PARPBP: variants seen among roughly 807,000 people sequenced by gnomAD.
The protein encoded by PARPBP is PARP1 binding protein.
In PARPBP, 52 loss-of-function variants were observed where a neutral mutation model predicts 50.0. That is an observed-to-expected ratio of 1.04 (90% CI 0.83 to 1.31). The LOEUF is 1.31. PARPBP is among the 50% of genes most tolerant of loss of function. The pLI, the probability that PARPBP is intolerant of heterozygous loss-of-function variation, is 0.00. For synonymous variants in PARPBP, 244 were observed against 232.1 expected (o/e 1.05, Z -0.47); for missense variants, 697 against 672.0 (o/e 1.04, Z -0.41).
chr12:102,136,675 T>C (rs768551196), intron 2 of PARPBP, among the ~76,000 whole-genome samples: 4 of 152,204 alleles, frequency 2.6e-5, no homozygotes, highest in Non-Finnish European at 5.9e-5. Context: ...TTCACAGTTC[T>C]TGTATGTGTG....
intron 2 of PARPBP, among the ~76,000 whole-genome samples, chr12:102,124,431 A>T (rs1321069036): frequency 6.6e-5 from 10 of 152,180 alleles, no homozygotes. Context: ...CTGCACCGGG[A>T]TACTGGAAAC....
chr12:102,151,240 A>G, intron 3 of PARPBP, among the ~76,000 whole-genome samples: 1 of 152,136 alleles, frequency 6.6e-6, no homozygotes, highest in East Asian at 1.9e-4. Flanking sequence ...ATCTGGCAAA[A>G]AAGAAGGCAG....
intron 3 of PARPBP, chr12:102,150,426 A>G: frequency 3.0e-6 from 1 of 338,962 alleles, no homozygotes; most frequent in Non-Finnish European, 5.8e-6. Flanking sequence ...GAATTTTCAT[A>G]ATCCTGATAA....
intron 2 of PARPBP, among the ~76,000 whole-genome samples, chr12:102,126,417 T>C (rs1279379654): frequency 6.6e-6 from 1 of 152,248 alleles, no homozygotes; most frequent in African/African-American, 2.4e-5. Flanking sequence ...ACTGTAGTTT[T>C]AGGTGTTCTG....
At chr12:102,153,398 T>C (rs1366400801) in intron 3 of PARPBP, among the ~76,000 whole-genome samples, 1 of 152,180 alleles carries the variant, frequency 6.6e-6, no homozygotes, top group Non-Finnish European at 1.5e-5. Context: ...CAGGTTGGAG[T>C]GCAGTGGTGT....
intron 2 of PARPBP, 136 bp from the exon 3 acceptor site, chr12:102,148,094 G>A (rs912527257): frequency 1.5e-5 from 7 of 456,344 alleles, no homozygotes; most frequent in African/African-American, 1.2e-4. Flanking sequence ...TTCAACTTGG[G>A]TGTTCTCTTC....
rs550997177 is a variant in PARPBP at position 102,139,271 on chromosome 12, A to G, written c.154-8959A>G. Among the ~76,000 whole-genome samples, 96 of 152,308 alleles carry G rather than the reference A, an allele frequency of 6.3e-4. 2 individuals carry two copies. In the South Asian group the frequency reaches 0.02, roughly 32 times the overall value. On this transcript the variant is annotated intron_variant, in intron 2 of 10. Transcript: ENST00000327680. The stretch of plus-strand genomic sequence containing the variant: ...AGCAATTGTGAATGAGAGTTCACTC[A>G]TGATTTGGCTCTCTGTCTGTGATTG...
chr12:102,189,302 A>G (rs1168793801), intron 9 of PARPBP, among the ~76,000 whole-genome samples: 2 of 152,206 alleles, frequency 1.3e-5, no homozygotes, highest in African/African-American at 4.8e-5. Flanking sequence ...ATCTGCAGAC[A>G]TGAATGTGCC....
rs1891362757 is a variant in PARPBP, at chr12:102,196,935, G to A, written c.*644G>A. The A allele has an allele frequency of 6.7e-7, 1 of 1,492,620 alleles. No homozygotes were observed. Among genetic ancestry groups the A allele is most frequent in the Non-Finnish European group, 9.3e-7 (1 of 1,072,622 alleles). 92.5% of individuals were successfully genotyped at this position (1,492,620 alleles called of 1,614,324 possible). A position where few individuals can be genotyped will look rare whatever the true frequency, so the allele number is the denominator to read the frequency against. On this transcript the variant is annotated 3_prime_UTR_variant, in exon 11 of 11. Coordinates refer to ENST00000327680, the MANE Select transcript of PARPBP (RefSeq NM_017915.5). ...TAACTCAGAGTTCTGTTTAATGGTG[G>A]TAGGATGTAAGAATTGAATTTTGAA...
intron 3 of PARPBP, chr12:102,148,948 C>T (rs1885817618): frequency 6.6e-6 from 1 of 152,024 alleles, no homozygotes; most frequent in African/African-American, 2.4e-5. Context: ...TCTTTTTTTG[C>T]ACAAGCATTT....
rs1034779548 is a variant in PARPBP at position 102,120,200 on chromosome 12, C to A, written c.-90C>A. 1.3e-5 allele frequency: 3 copies of A among 233,512 alleles called. No individual in the cohort carries two copies. Among genetic ancestry groups the A allele is most frequent in the African/African-American group, 4.6e-5 (2 of 43,076 alleles). The allele number at this position is 233,512 out of a possible 1,614,324, so 14.5% of individuals were successfully genotyped here. A position where few individuals can be genotyped will look rare whatever the true frequency, so the allele number is the denominator to read the frequency against. On this transcript the variant is annotated 5_prime_UTR_variant, in exon 1 of 11. Coordinates refer to ENST00000327680, the MANE Select transcript of PARPBP (RefSeq NM_017915.5). ...TTTGAACTGTATTCAGCGGCGACAG[C>A]GGCGACTGCGGCGGCCGCGGGAGGG...
intron 4 of PARPBP, among the ~76,000 whole-genome samples, chr12:102,157,916 C>G (rs577376929): frequency 7.9e-5 from 12 of 151,728 alleles, no homozygotes; most frequent in Non-Finnish European, 1.3e-4. Flanking sequence ...GTCAGGAGAT[C>G]GAGACCATCC....
Position 102,179,733 on chromosome 12 carries a change from T to C in PARPBP, c.1184+963T>C, listed in dbSNP as rs984706576. On this transcript the variant is annotated intron_variant, in intron 8 of 10. Coordinates refer to ENST00000327680, the MANE Select transcript of PARPBP (RefSeq NM_017915.5). ...CATATAGATATATATATATGGGTGA[T>C]GCAGTTTCATCTATAGTAGATGCTC... 1.6e-4 allele frequency among the ~76,000 whole-genome samples: 25 copies of C among 152,220 alleles called. 1 individual carries two copies.
chr12:102,124,224 GA>G (rs1424227567), intron 2 of PARPBP, among the ~76,000 whole-genome samples, 183 bp downstream of exon 2: 3 of 152,128 alleles, frequency 2.0e-5, no homozygotes, highest in Non-Finnish European at 4.4e-5. Flanking sequence ...AATTTGAAAT[GA>G]ATTATTTCAA....
chr12:102,122,595 C>CA (rs1166402383), intron 1 of PARPBP, among the ~76,000 whole-genome samples: 1 of 152,148 alleles, frequency 6.6e-6, no homozygotes, highest in Non-Finnish European at 1.5e-5. Context: ...TCTGTAAACT[C>CA]AGAGAAAGGA....
Position 102,149,806 on chromosome 12 carries a change from C to T in PARPBP, c.387+1343C>T, listed in dbSNP as rs1356435338. On this transcript the variant is annotated intron_variant, in intron 3 of 10. Coordinates refer to ENST00000327680, the MANE Select transcript of PARPBP (RefSeq NM_017915.5). ...ACATATCCGCACACATGTACAACTA[C>T]ACTATGGTAAGGATACTTGTAAAGA... 5.3e-5 allele frequency among the ~76,000 whole-genome samples: 8 copies of T among 152,310 alleles called. No homozygotes were observed. In the South Asian group the frequency reaches 1.4e-3, roughly 28 times the overall value.
rs1885713049 is a variant in PARPBP, at chr12:102,148,372, T to G, written c.296T>G (p.Leu99Trp). The G allele has an allele frequency of 6.3e-7, 1 of 1,588,096 alleles. No individual in the cohort carries two copies. Among genetic ancestry groups the G allele is most frequent in the African/African-American group, 1.3e-5 (1 of 74,416 alleles). Residue 99 changes from leucine to tryptophan, a missense_variant, in exon 3 of 11, where the codon TTG becomes TGG. Leu to Trp is a moderately conservative substitution (Grantham distance 61, BLOSUM62 -2). Transcript: ENST00000327680. ...EDVRKIYDDF[L>W]KNSNMLDLID... ...GTTAGGAAGATTTATGATGATTTCT[T>G]GAAGAACAGTAATATGTTAGATCTG... is the stretch of plus-strand genomic sequence containing the variant.
Position 102,148,495 on chromosome 12 carries a change from C to A in PARPBP, c.387+32C>A. The A allele has an allele frequency of 3.6e-6, 3 of 837,778 alleles. No individual in the cohort carries two copies. The South Asian group carries it at 6.0e-5, about 17-fold the overall frequency. The allele number at this position is 837,778 out of a possible 1,614,324, so 51.9% of individuals were successfully genotyped here. Reference sequence around the variant, plus strand: ...ATTTTTTAAACAATTCTATTTTAATCAAATTAAAATTTAGCTCTATTTATT... The same window carrying A: ...ATTTTTTAAACAATTCTATTTTAATAAAATTAAAATTTAGCTCTATTTATT... On this transcript the variant is annotated intron_variant, in intron 3 of 10. Coordinates refer to ENST00000327680, the MANE Select transcript of PARPBP (RefSeq NM_017915.5).
At chr12:102,151,753 CAGA>C in intron 3 of PARPBP, 2 of 1,535,632 alleles carry the variant, frequency 1.3e-6, no homozygotes, top group South Asian at 2.4e-5. Context: ...CATCACGGTC[CAGA>C]AGAAGAGACG....
Sources: allele counts gnomAD v4.1 joint callset (sites outside exome capture counted in the v4.1 genomes callset), GRCh38; gene constraint gnomAD v4.1.1; transcripts MANE v1.5; gene names NCBI Gene and HGNC (gene_info 2026-07-23, HGNC 2026-07-21).